The following PPFIBP1 variants were observed in gnomAD, a reference collection of about 807,000 sequenced individuals.
The protein encoded by PPFIBP1 is liprin-beta-1.
Under a neutral mutation model 137.8 loss-of-function variants are expected in PPFIBP1, and 112 were observed. The observed-to-expected ratio is 0.81, with a 90% CI of 0.70 to 0.95. The LOEUF is 0.95. Among genes scored for constraint, PPFIBP1 ranks in the 40% least tolerant of loss-of-function variants. The pLI, the probability that PPFIBP1 is intolerant of heterozygous loss-of-function variation, is 0.00. For missense variants in PPFIBP1, 1,083 were observed against 1,196.6 expected (o/e 0.91, Z 1.40); for synonymous variants, 378 against 417.3 (o/e 0.91, Z 1.15).
At chr12:27,655,364 C>T (rs1305192734) in intron 8 of PPFIBP1, 14 of 628,738 alleles carry the variant, frequency 2.2e-5, no homozygotes, top group Non-Finnish European at 3.5e-5. Flanking sequence ...TTACAAATCA[C>T]CTCAAGCTGA....
chr12:27,647,670 C>T (rs557063721), intron 5 of PPFIBP1, 59 bp from the exon 6 acceptor site: 438 of 993,552 alleles, frequency 4.4e-4, no homozygotes, highest in Admixed American at 5.1e-4. Context: ...AGAGAAATAA[C>T]GTATGCAGTG....
chr12:27,642,241 C>T (rs1325607722), intron 4 of PPFIBP1, among the ~76,000 whole-genome samples: 3 of 151,712 alleles, frequency 2.0e-5, no homozygotes, highest in Non-Finnish European at 4.4e-5. Context: ...CCCCCACTGA[C>T]TCTGCATACA....
chr12:27,637,846 G>T (rs1257322364), intron 4 of PPFIBP1, among the ~76,000 whole-genome samples: 1 of 152,170 alleles, frequency 6.6e-6, no homozygotes, highest in Admixed American at 6.5e-5. Flanking sequence ...TTATAATTTA[G>T]TAATTTGCTG....
At chr12:27,637,442 T>C (rs2057762270) in intron 4 of PPFIBP1, 1 of 152,196 alleles carries the variant, frequency 6.6e-6, no homozygotes. Context: ...TGACAAATAT[T>C]TTACAGAACT....
rs1385917173 is a variant in PPFIBP1, at chr12:27,661,222, A to C, written c.906+277A>C. On this transcript the variant is annotated intron_variant, in intron 11 of 29. Coordinates refer to ENST00000228425, the MANE Select transcript of PPFIBP1 (RefSeq NM_003622.4). ...ACGTGACATGTAAGAGAGAGGATACATTCCATAGTACCTCCTGTATGTGGG... is the reference window on the plus strand; with the variant it reads ...ACGTGACATGTAAGAGAGAGGATACCTTCCATAGTACCTCCTGTATGTGGG... Among the ~76,000 whole-genome samples, 7 of 152,218 alleles carry C rather than the reference A, an allele frequency of 4.6e-5. No homozygotes were observed. In the South Asian group the frequency reaches 1.2e-3, roughly 27 times the overall value.
intron 9 of PPFIBP1, chr12:27,657,165 A>G (rs2139809410): frequency 6.5e-6 from 1 of 153,038 alleles, no homozygotes; most frequent in South Asian, 2.1e-4. Context: ...ATCTTTGGAA[A>G]AATTAGTAAA....
At chr12:27,671,122 G>T (rs1265724467) in intron 13 of PPFIBP1, among the ~76,000 whole-genome samples, 1 of 151,796 alleles carries the variant, frequency 6.6e-6, no homozygotes, top group African/African-American at 2.4e-5. Context: ...GGGCAACATA[G>T]CAAGACGCCG....
intron 2 of PPFIBP1, among the ~76,000 whole-genome samples, chr12:27,579,714 AT>A (rs2050904260): frequency 6.6e-6 from 1 of 152,106 alleles, no homozygotes; most frequent in Non-Finnish European, 1.5e-5. Context: ...TGTTGTGCAT[AT>A]CTTTTGGTGA....
In PPFIBP1 at chr12:27,627,387, C is replaced by T. The variant is rs368184275; in HGVS notation, c.-35-5975C>T. The stretch of plus-strand genomic sequence containing the variant: ...TCATAATGACCACAGAATACTGTGG[C>T]GTTCTACCAGCATAGTCGAATGTAT... On this transcript the variant is annotated intron_variant, in intron 2 of 29. Transcript: ENST00000228425. Among the ~76,000 whole-genome samples the T allele has an allele frequency of 3.3e-5, 5 of 152,276 alleles. No homozygotes were observed. In the East Asian group the frequency reaches 7.7e-4, roughly 24 times the overall value.
intron 2 of PPFIBP1, among the ~76,000 whole-genome samples, chr12:27,580,287 C>T (rs1030357469): frequency 3.9e-5 from 6 of 152,198 alleles, no homozygotes; most frequent in African/African-American, 1.4e-4. Flanking sequence ...CCAGAATGAA[C>T]TTAAAAGTAT....
chr12:27,625,585 T>G (rs1250359348), intron 2 of PPFIBP1, among the ~76,000 whole-genome samples: 1 of 150,312 alleles, frequency 6.7e-6, no homozygotes, highest in African/African-American at 2.4e-5. Context: ...TTACAGTTTT[T>G]TTTTTTTTTT....
chr12:27,558,487 C>CACACACACCCACACAAACAT (rs2048887792), intron 1 of PPFIBP1, among the ~76,000 whole-genome samples: 1 of 112,606 alleles, frequency 8.9e-6, no homozygotes, highest in African/African-American at 3.6e-5. Flanking sequence ...CACACACACA[C>CACACACACCCACACAAACAT]ACACACACGA....
chr12:27,644,513 T>G lies in PPFIBP1; in HGVS notation c.271-1549T>G, dbSNP rs192437660. On this transcript the variant is annotated intron_variant, in intron 4 of 29. Coordinates refer to ENST00000228425, the MANE Select transcript of PPFIBP1 (RefSeq NM_003622.4). ...TAATGTCCATAATCAAAATAAGGAA[T>G]TTAAAGCTCTACAGGGCCTGTCTTG... 2.0e-5 allele frequency among the ~76,000 whole-genome samples: 3 copies of G among 152,226 alleles called. No individual in the cohort carries two copies. In the East Asian group the frequency reaches 5.8e-4, roughly 29 times the overall value.
In PPFIBP1 at chr12:27,672,426, G is replaced by T. The variant is rs753218760; in HGVS notation, c.1263-1G>T. Reference sequence around the variant, plus strand: ...AATACCTTTTGTTCTTTACATTTTAGTGATGGAAACATAATCCTTGGTGCC... The same window carrying T: ...AATACCTTTTGTTCTTTACATTTTATTGATGGAAACATAATCCTTGGTGCC... On this transcript the variant is annotated splice_acceptor_variant, in intron 14 of 29. Coordinates refer to ENST00000228425, the MANE Select transcript of PPFIBP1 (RefSeq NM_003622.4). LOFTEE classifies it high-confidence loss of function. The T allele has an allele frequency of 1.3e-5, 21 of 1,603,902 alleles. No individual in the cohort carries two copies. Among genetic ancestry groups the T allele is most frequent in the Non-Finnish European group, 1.7e-5 (20 of 1,171,688 alleles).
chr12:27,591,339 T>C (rs1371838770), intron 2 of PPFIBP1, among the ~76,000 whole-genome samples: 1 of 152,018 alleles, frequency 6.6e-6, no homozygotes, highest in Non-Finnish European at 1.5e-5. Flanking sequence ...ATGGTAGAGA[T>C]GCTGGGAAGG....
At chr12:27,619,169 C>T (rs574319152) in intron 2 of PPFIBP1, among the ~76,000 whole-genome samples, 27 of 151,998 alleles carry the variant, frequency 1.8e-4, no homozygotes, top group South Asian at 8.3e-4. Context: ...GTTGGTCCCA[C>T]GACCTCCCAC....
chr12:27,656,321 A>C (rs955154808), intron 8 of PPFIBP1, among the ~76,000 whole-genome samples: 1 of 152,244 alleles, frequency 6.6e-6, no homozygotes, highest in Non-Finnish European at 1.5e-5. Context: ...TTTAATGTAA[A>C]GATTTAAACC....
Position 27,564,868 on chromosome 12 carries a change from C to T in PPFIBP1, c.-123-13284C>T, listed in dbSNP as rs530103680. ...GCCAGGTGCTGGCCAGTCACCTCAC[C>T]GAGGACCCCGGTGGTCCCCAGAACC... is the stretch of plus-strand genomic sequence containing the variant. On this transcript the variant is annotated intron_variant, in intron 1 of 29. Coordinates refer to ENST00000228425, the MANE Select transcript of PPFIBP1 (RefSeq NM_003622.4). Among the ~76,000 whole-genome samples, 6 of 152,292 alleles carry T rather than the reference C, an allele frequency of 3.9e-5. No individual in the cohort carries two copies. The South Asian group carries it at 6.2e-4, about 16-fold the overall frequency.
chr12:27,540,840 T>C (rs1338503664), intron 1 of PPFIBP1, among the ~76,000 whole-genome samples: 1 of 152,268 alleles, frequency 6.6e-6, no homozygotes, highest in Non-Finnish European at 1.5e-5. Flanking sequence ...AACAAACTGT[T>C]CATGTTCTCT....
Sources: gnomAD v4.1 joint callset for allele counts (sites outside exome capture counted in the v4.1 genomes callset) on GRCh38, gnomAD v4.1.1 for gene constraint, MANE v1.5 for transcripts, NCBI Gene and HGNC (gene_info 2026-07-23, HGNC 2026-07-21) for gene names.